RPS6KC1: variants seen among roughly 807,000 people sequenced by gnomAD.
RPS6KC1 encodes ribosomal protein S6 kinase C1.
Under a neutral mutation model 103.8 loss-of-function variants are expected in RPS6KC1, and 54 were observed. The observed-to-expected ratio is 0.52, with a 90% CI of 0.42 to 0.65. The LOEUF (loss-of-function observed/expected upper bound fraction) is 0.65, where lower values mean the gene tolerates loss of function less well. Among genes scored for constraint, RPS6KC1 ranks in the 30% least tolerant of loss-of-function variants. The probability of loss-of-function intolerance (pLI) is 0.00; values close to 1 mark genes in which losing one functional copy is unlikely to be tolerated. For synonymous variants in RPS6KC1, 439 were observed against 438.7 expected, an observed-to-expected ratio of 1.00 and a Z score of -0.01; for missense variants, 1,151 against 1,253.8, an observed-to-expected ratio of 0.92 and a Z score of 1.24.
intron 6 of RPS6KC1, among the ~76,000 whole-genome samples, chr1:213,148,372 G>A (rs2088147469): frequency 6.6e-6 from 1 of 151,862 alleles, no homozygotes; most frequent in African/African-American, 2.4e-5. Flanking sequence ...GTTTTTGAGG[G>A]GTTTTTATCA....
the RPS6KC1 span, among the ~76,000 whole-genome samples, chr1:213,372,859 A>T: frequency 2.0e-5 from 3 of 152,046 alleles, no homozygotes; most frequent in Non-Finnish European, 4.4e-5. Flanking sequence ...AGAAGGATAG[A>T]TATACAAATA....
At chr1:213,401,968 T>C in the RPS6KC1 span, among the ~76,000 whole-genome samples, 2 of 151,978 alleles carry the variant, frequency 1.3e-5, no homozygotes, top group African/African-American at 4.8e-5. Context: ...TAAATTATTT[T>C]GTAAAGATGA....
chr1:213,650,122 T>C, the RPS6KC1 span, among the ~76,000 whole-genome samples: 2 of 152,166 alleles, frequency 1.3e-5, no homozygotes, highest in Non-Finnish European at 2.9e-5. Flanking sequence ...TTTCTATACA[T>C]CCAGGCGCTC....
the RPS6KC1 span, among the ~76,000 whole-genome samples, chr1:213,493,443 A>G: frequency 7.5e-3 from 1,143 of 152,338 alleles, 14 homozygotes; most frequent in African/African-American, 0.026. Context: ...TTAAAAGTAG[A>G]AAAGTAGACA....
the RPS6KC1 span, among the ~76,000 whole-genome samples, chr1:213,770,693 C>A: frequency 1.3e-5 from 2 of 152,322 alleles, no homozygotes; most frequent in East Asian, 1.9e-4. Context: ...ACAACTCAAT[C>A]TGGGTGACTT....
At chr1:213,179,380 A>G (rs2092110827) in intron 8 of RPS6KC1, among the ~76,000 whole-genome samples, 1 of 151,882 alleles carries the variant, frequency 6.6e-6, no homozygotes, top group Non-Finnish European at 1.5e-5. Flanking sequence ...GCACCACTGC[A>G]TTCCAGCCTG....
chr1:213,405,759 G>T, the RPS6KC1 span, among the ~76,000 whole-genome samples: 1 of 152,114 alleles, frequency 6.6e-6, no homozygotes. Flanking sequence ...TGAAAGTCTG[G>T]GCTCTTTCTG....
rs144225613 is a variant in RPS6KC1 at position 213,266,859 on chromosome 1, C to T, written c.3090+4043C>T. Among the ~76,000 whole-genome samples the T allele has an allele frequency of 9.3e-3, 1,417 of 151,688 alleles. 49 individuals are homozygous for T. The highest frequency in any genetic ancestry group is 0.071 in the East Asian group (365 of 5,158). Reference sequence around the variant, plus strand: ...CAGAGGTTGCAGTGAGCCGAGATCGCGCCACTGCACTCCAGCCTGGGCAAC... The same window carrying T: ...CAGAGGTTGCAGTGAGCCGAGATCGTGCCACTGCACTCCAGCCTGGGCAAC... On this transcript the variant is annotated intron_variant, in intron 14 of 14. Transcript: ENST00000366960.
At chr1:213,572,456 A>G in the RPS6KC1 span, among the ~76,000 whole-genome samples, 3 of 152,212 alleles carry the variant, frequency 2.0e-5, no homozygotes, top group Admixed American at 6.5e-5. Context: ...TGATAAAAAG[A>G]TGGTCCTTCT....
intron 3 of RPS6KC1, among the ~76,000 whole-genome samples, chr1:213,093,535 C>G (rs1029152064): frequency 6.6e-6 from 1 of 152,100 alleles, no homozygotes; most frequent in African/African-American, 2.4e-5. Context: ...TATAGGTCCT[C>G]TTACATTAGT....
the RPS6KC1 span, among the ~76,000 whole-genome samples, chr1:213,766,079 T>A: frequency 2.0e-5 from 3 of 152,178 alleles, no homozygotes; most frequent in African/African-American, 7.2e-5. Context: ...TCCATAATGT[T>A]AGCAAGTAGA....
chr1:213,444,808 G>C, the RPS6KC1 span, among the ~76,000 whole-genome samples: 10,490 of 150,864 alleles, frequency 0.07, 419 homozygotes, highest in South Asian at 0.15. Context: ...TTGGTGGACT[G>C]TGGGCTCACT....
chr1:213,838,664 T>A, the RPS6KC1 span, among the ~76,000 whole-genome samples: 1 of 152,186 alleles, frequency 6.6e-6, no homozygotes, highest in Non-Finnish European at 1.5e-5. Flanking sequence ...ATGAGAGGCA[T>A]GCAAAATTTC....
the RPS6KC1 span, among the ~76,000 whole-genome samples, chr1:213,760,330 C>T: frequency 1.3e-5 from 2 of 152,192 alleles, no homozygotes; most frequent in African/African-American, 2.4e-5. Context: ...ATCTTAAAAG[C>T]CTCCACAATG....
At chr1:213,163,709 G>A (rs1250121957) in intron 6 of RPS6KC1, among the ~76,000 whole-genome samples, 2 of 151,974 alleles carry the variant, frequency 1.3e-5, no homozygotes, top group Admixed American at 6.6e-5. Context: ...ATGAGAAAAG[G>A]CCATTGTTAT....
At chr1:213,323,311 T>C in the RPS6KC1 span, among the ~76,000 whole-genome samples, 28 of 152,144 alleles carry the variant, frequency 1.8e-4, 1 homozygote, top group East Asian at 3.7e-3. Context: ...GGGGATTCGG[T>C]TGGGAACATC....
At chr1:213,720,081 G>A in the RPS6KC1 span, among the ~76,000 whole-genome samples, 2 of 152,248 alleles carry the variant, frequency 1.3e-5, no homozygotes, top group East Asian at 3.9e-4. Context: ...GAAATACAGA[G>A]GGATCATATT....
chr1:213,171,032 T>G (rs903019744), intron 7 of RPS6KC1, among the ~76,000 whole-genome samples: 3 of 152,210 alleles, frequency 2.0e-5, no homozygotes, highest in African/African-American at 7.2e-5. Context: ...TTTAAATTTT[T>G]GTTAATTATT....
chr1:213,591,385 C>G, the RPS6KC1 span, among the ~76,000 whole-genome samples: 1 of 152,144 alleles, frequency 6.6e-6, no homozygotes, highest in African/African-American at 2.4e-5. Context: ...AAAGCCTCCA[C>G]TGAAATTCCC....
Sources: allele counts gnomAD v4.1 joint callset (sites outside exome capture counted in the v4.1 genomes callset), GRCh38; gene constraint gnomAD v4.1.1; transcripts MANE v1.5; gene names NCBI Gene and HGNC (gene_info 2026-07-23, HGNC 2026-07-21).